PDGFC: variants seen among roughly 807,000 people sequenced by gnomAD.
The protein encoded by PDGFC is platelet-derived growth factor C.
PDGFC carries 12 observed loss-of-function variants against 35.5 expected under a neutral mutation model. The ratio of observed to expected loss-of-function variants is 0.34; its 90% CI spans 0.22 to 0.55. The LOEUF (loss-of-function observed/expected upper bound fraction) is 0.55. Among genes scored for constraint, PDGFC ranks in the 20% least tolerant of loss-of-function variants. PDGFC has a pLI of 0.91. For synonymous variants in PDGFC, 159 were observed against 148.8 expected, an observed-to-expected ratio of 1.07 and a Z score of -0.50; for missense variants, 322 against 412.4, an observed-to-expected ratio of 0.78 and a Z score of 1.90.
At chr4:156,884,514 C>A (rs934760456) in intron 1 of PDGFC, among the ~76,000 whole-genome samples, 1 of 152,134 alleles carries the variant, frequency 6.6e-6, no homozygotes, top group Admixed American at 6.5e-5. Context: ...AGTTTAATAT[C>A]TTAGACAGTC....
intron 3 of PDGFC, among the ~76,000 whole-genome samples, chr4:156,788,429 T>G (rs1441796582): frequency 6.6e-6 from 1 of 152,160 alleles, no homozygotes; most frequent in Non-Finnish European, 1.5e-5. Context: ...TGATAAAAGT[T>G]TATAATAATT....
At chr4:156,799,408 T>C (rs1445268918) in intron 3 of PDGFC, among the ~76,000 whole-genome samples, 3 of 151,968 alleles carry the variant, frequency 2.0e-5, no homozygotes, top group South Asian at 4.1e-4. Flanking sequence ...GAAAAAAAAA[T>C]TGTATTAGTC....
At position 156,931,055 on chromosome 4, in the gene PDGFC, A is replaced by T. The variant is rs1731538433; in HGVS notation, c.118+39731T>A. 2.6e-5 allele frequency among the ~76,000 whole-genome samples: 4 copies of T among 152,026 alleles called. No individual in the cohort carries two copies. In the South Asian group the frequency reaches 8.3e-4, roughly 32 times the overall value. The stretch of plus-strand genomic sequence containing the variant: ...TACCTATTGTTGGAGGTAGGGGCTG[A>T]GGGGATGGAGGGTAGCCAGCCAAGT... On this transcript the variant is annotated intron_variant, in intron 1 of 5. Transcript: ENST00000502773.
intron 1 of PDGFC, among the ~76,000 whole-genome samples, chr4:156,855,531 C>T (rs546343602): frequency 2.6e-5 from 4 of 152,264 alleles, no homozygotes; most frequent in African/African-American, 9.6e-5. Context: ...AACAGATCGG[C>T]CTCACGGATG....
chr4:156,870,511 A>G (rs1305325897), intron 1 of PDGFC, among the ~76,000 whole-genome samples: 1 of 152,122 alleles, frequency 6.6e-6, no homozygotes, highest in African/African-American at 2.4e-5. Context: ...TTCTGTTTCT[A>G]TGGAATTAAC....
At chr4:156,768,962 A>C (rs1730617181) in intron 4 of PDGFC, among the ~76,000 whole-genome samples, 1 of 152,002 alleles carries the variant, frequency 6.6e-6, no homozygotes, top group Non-Finnish European at 1.5e-5. Flanking sequence ...AATTACTATT[A>C]GGATAAAGAC....
chr4:156,841,787 T>A (rs1729211997), intron 2 of PDGFC, among the ~76,000 whole-genome samples: 1 of 152,162 alleles, frequency 6.6e-6, no homozygotes, highest in South Asian at 2.1e-4. Flanking sequence ...ATTACAGGCA[T>A]GAGCCACCAC....
intron 1 of PDGFC, among the ~76,000 whole-genome samples, chr4:156,930,066 T>C (rs892506005): frequency 2.0e-5 from 3 of 152,260 alleles, no homozygotes; most frequent in Non-Finnish European, 4.4e-5. Context: ...TAGACTTACA[T>C]GTTTCTAACT....
chr4:156,922,034 C>A (rs1028619223), intron 1 of PDGFC, among the ~76,000 whole-genome samples: 1 of 152,096 alleles, frequency 6.6e-6, no homozygotes, highest in African/African-American at 2.4e-5. Flanking sequence ...ACTAAGGGAT[C>A]TTTAGCCTAG....
chr4:156,963,109 C>T (rs76350376), intron 1 of PDGFC, among the ~76,000 whole-genome samples: 2,358 of 152,104 alleles, frequency 0.016, 73 homozygotes, highest in African/African-American at 0.053. Context: ...CTCTGCCCCA[C>T]AAACCCCAGC....
intron 1 of PDGFC, among the ~76,000 whole-genome samples, chr4:156,915,297 CT>C (rs1438871997): frequency 1.3e-5 from 2 of 152,134 alleles, no homozygotes; most frequent in Non-Finnish European, 2.9e-5. Flanking sequence ...TCCTCATAGC[CT>C]TTTAACTCAG....
intron 3 of PDGFC, among the ~76,000 whole-genome samples, chr4:156,786,359 T>A (rs1023144141): frequency 6.6e-6 from 1 of 152,082 alleles, no homozygotes; most frequent in Non-Finnish European, 1.5e-5. Context: ...AAGTAAAAAG[T>A]AAAGCAGGAA....
chr4:156,852,280 G>A (rs1254705450), intron 1 of PDGFC, among the ~76,000 whole-genome samples: 1 of 152,144 alleles, frequency 6.6e-6, no homozygotes, highest in Non-Finnish European at 1.5e-5. Context: ...AATAAGGTAA[G>A]TATCATTGTA....
At chr4:156,813,645 A>C (rs1236005282) in intron 2 of PDGFC, among the ~76,000 whole-genome samples, 1 of 152,180 alleles carries the variant, frequency 6.6e-6, no homozygotes, top group Non-Finnish European at 1.5e-5. Flanking sequence ...AACAAAAATC[A>C]GATGGAGATC....
rs534674656 is a variant in PDGFC, at chr4:156,896,971, A to C, written c.119-46555T>G. Among the ~76,000 whole-genome samples, 70 of 152,348 alleles carry C rather than the reference A, an allele frequency of 4.6e-4. No homozygotes were observed. In the South Asian group the frequency reaches 8.7e-3, roughly 19 times the overall value. On this transcript the variant is annotated intron_variant, in intron 1 of 5. Coordinates refer to ENST00000502773, the MANE Select transcript of PDGFC (RefSeq NM_016205.3). ...ATTGACCATCTGTTAAAATGATGGC[A>C]TCACTTTTGGCAGAAATGATCTCAC...
At chr4:156,918,792 T>G (rs1488013471) in intron 1 of PDGFC, among the ~76,000 whole-genome samples, 1 of 152,180 alleles carries the variant, frequency 6.6e-6, no homozygotes, top group Admixed American at 6.5e-5. Context: ...CTTCCTTAAA[T>G]GTTTATCAAT....
In PDGFC at chr4:156,851,930, C is replaced by CAA. The variant is rs61505882; in HGVS notation, c.119-1516_119-1515dup. Among the ~76,000 whole-genome samples the CAA allele has an allele frequency of 8.6e-4, 41 of 47,840 alleles. 3 individuals carry two copies. Among genetic ancestry groups the CAA allele is most frequent in the Non-Finnish European group, 1.1e-3 (23 of 21,852 alleles). 31.4% of individuals were successfully genotyped at this position (47,840 alleles called of 152,430 possible). On this transcript the variant is annotated intron_variant, in intron 1 of 5. Coordinates refer to ENST00000502773, the MANE Select transcript of PDGFC (RefSeq NM_016205.3). ...TGGGCGACAGAATGAGACTCCATCT[C>CAA]AAAAAAAAAAAAAAAAAAAAAAAAA...
chr4:156,955,157 T>C (rs996116445), intron 1 of PDGFC, among the ~76,000 whole-genome samples: 3 of 151,932 alleles, frequency 2.0e-5, no homozygotes, highest in African/African-American at 7.3e-5. Context: ...CACGTTGGCT[T>C]TGAACACGCA....
chr4:156,923,200 T>C (rs577940577), intron 1 of PDGFC, among the ~76,000 whole-genome samples: 3 of 152,190 alleles, frequency 2.0e-5, no homozygotes, highest in East Asian at 3.9e-4. Context: ...TAGATCCCCT[T>C]ACAGCCACCC....
Sources: allele counts gnomAD v4.1 joint callset (sites outside exome capture counted in the v4.1 genomes callset), GRCh38; gene constraint gnomAD v4.1.1; transcripts MANE v1.5; gene names NCBI Gene and HGNC (gene_info 2026-07-23, HGNC 2026-07-21).